ZFHX2: variants seen among roughly 807,000 people sequenced by gnomAD.
The protein encoded by ZFHX2 is zinc finger homeobox 2.
In ZFHX2, 75 loss-of-function variants were observed where a neutral mutation model predicts 164.8. The ratio of observed to expected loss-of-function variants is 0.46; its 90% CI spans 0.38 to 0.55. The LOEUF (loss-of-function observed/expected upper bound fraction) is 0.55. Ranked by LOEUF, ZFHX2 falls within the 20% of genes least tolerant of loss-of-function variation. The pLI is 0.00. For missense variants in ZFHX2, 2,933 were observed against 3,308.0 expected (o/e 0.89, Z 2.78); for synonymous variants, 1,217 against 1,351.4 (o/e 0.90, Z 2.18).
Position 23,535,167 on chromosome 14 carries a change from G to T in ZFHX2, c.159C>A (p.Ser53=). 1 of 1,535,540 alleles carries T rather than the reference G, an allele frequency of 6.5e-7. No homozygotes were observed. The highest frequency in any genetic ancestry group is 1.2e-5 in the South Asian group (1 of 84,054). The change falls in exon 2 of 10, where the codon TCC becomes TCA. Residue 53 remains serine, a synonymous_variant. Transcript: ENST00000419474. The surrounding 1 kb of genome is among the most constrained non-coding windows in gnomAD (Gnocchi z 4.5). ...AASSTSENMR[S]SEPGGQLLES... is the part of the protein sequence containing the mutation. ...CCAGGAGCTGTCCCCCTGGCTCTGA[G>T]GACCTCATGTTCTCAGAGGTGGAGG...
rs773032788 is a variant in ZFHX2 at position 23,526,422 on chromosome 14, G to A, written c.3520C>T (p.Arg1174Trp). 2.1e-4 allele frequency: 326 copies of A among 1,536,260 alleles called. 1 individual carries two copies. The highest frequency in any genetic ancestry group is 6.7e-4 in the South Asian group (56 of 84,050). ...PADSRHPLTY[R>W]KTTNFALDKF... ...TCCAGGGCAAAGTTGGTGGTTTTCCGATAGGTCAGAGGGTGGCGAGAGTCA... is the reference window on the plus strand; with the variant it reads ...TCCAGGGCAAAGTTGGTGGTTTTCCAATAGGTCAGAGGGTGGCGAGAGTCA... Residue 1174 changes from arginine (R) to tryptophan (W), a missense_variant, in exon 9 of 10, where the codon CGG becomes TGG. Transcript: ENST00000419474.
At position 23,535,259 on chromosome 14, in the gene ZFHX2, G is replaced by A; in HGVS notation, c.67C>T (p.Leu23=). 6.6e-7 allele frequency: 1 copy of A among 1,506,240 alleles called. No individual in the cohort carries two copies. The highest frequency in any genetic ancestry group is 8.9e-7 in the Non-Finnish European group (1 of 1,127,356). 93.3% of individuals were successfully genotyped at this position (1,506,240 alleles called of 1,614,324 possible). A position where few individuals can be genotyped will look rare whatever the true frequency, so the allele number is the denominator to read the frequency against. The change falls in exon 2 of 10, where the codon CTG becomes TTG. Residue 23 remains leucine (L), a synonymous_variant. Transcript: ENST00000419474. The surrounding 1 kb of genome is among the most constrained non-coding windows in gnomAD (Gnocchi z 4.5). ...CTGGAGGAGAAGGTGTCCGAAGGCA[G>A]GGACGGGGCATTGTGCCCAGGGGAG... ...TPSPGHNAPS[L]PSDTFSSSTP...
chr14:23,540,273 G>A (rs1401045884), intron 1 of ZFHX2, among the ~76,000 whole-genome samples: 1 of 152,240 alleles, frequency 6.6e-6, no homozygotes, highest in East Asian at 1.9e-4. Context: ...TTACAGGCAT[G>A]AGCCACCAAG....
At chr14:23,530,431 C>G (rs1013073727) in intron 4 of ZFHX2, 6 of 680,534 alleles carry the variant, frequency 8.8e-6, no homozygotes, top group Admixed American at 2.0e-5. Context: ...GAGTCCAGTT[C>G]CTGTCCTTTT....
chr14:23,529,990 C>T (rs1879318173), intron 5 of ZFHX2, 130 bp downstream of exon 5: 13 of 1,063,664 alleles, frequency 1.2e-5, no homozygotes, highest in Non-Finnish European at 1.8e-5. Flanking sequence ...CCTCCCTTCC[C>T]CCTGATGAGC....
Position 23,531,506 on chromosome 14 carries a change from G to A in ZFHX2, c.2775C>T (p.Phe925=). 1 of 1,445,008 alleles carries A rather than the reference G, an allele frequency of 6.9e-7. No individual in the cohort carries two copies. The highest frequency in any genetic ancestry group is 9.2e-7 in the Non-Finnish European group (1 of 1,092,654). The allele number at this position is 1,445,008 out of a possible 1,614,324, so 89.5% of individuals were successfully genotyped here. ...CGGGAGTCCGGAGCTGCCCGTGGCT[G>A]AAGCTCAGGATGCTCTGAAGAGCTG... The part of the protein sequence containing the change: ...GLAALQSILS[F]SHGQLRTPGK... The change falls in exon 4 of 10, where the codon TTC becomes TTT. Residue 925 remains phenylalanine (F), a synonymous_variant. Coordinates refer to ENST00000419474, the MANE Select transcript of ZFHX2 (RefSeq NM_033400.3).
chr14:23,547,255 G>A, intron 1 of ZFHX2, among the ~76,000 whole-genome samples: 1 of 152,238 alleles, frequency 6.6e-6, no homozygotes, highest in East Asian at 1.9e-4. Flanking sequence ...GGCCCACATG[G>A]CCAATGCTGC....
chr14:23,549,174 G>A (rs1177652841), intron 1 of ZFHX2, among the ~76,000 whole-genome samples: 8 of 151,784 alleles, frequency 5.3e-5, no homozygotes, highest in South Asian at 4.2e-4. Flanking sequence ...CTATCAACAC[G>A]TTTTGTTTCA....
In ZFHX2 at chr14:23,524,013, G is replaced by A; in HGVS notation, c.5929C>T (p.Pro1977Ser). Residue 1977 changes from proline (P) to serine (S), a missense_variant, in exon 9 of 10, where the codon CCC (proline) becomes TCC (serine). By Grantham distance (74) the Pro-to-Ser change is moderately conservative. Transcript: ENST00000419474. This position sits in a 1 kb window ranked among gnomAD's most constrained non-coding sequence, Gnocchi z 5.6. The stretch of plus-strand genomic sequence containing the variant: ...TTCCCAGGTGGTAGGAAAGGCTGGG[G>A]CCCAGAAGCAAGCGTGGCAGTGGGG... ...PYPTATLASGPQPFLPPGKEA... is the reference protein window; with the variant it reads ...PYPTATLASGSQPFLPPGKEA... 1 of 1,518,702 alleles carries A rather than the reference G, an allele frequency of 6.6e-7. No homozygotes were observed. Among genetic ancestry groups the A allele is most frequent in the Non-Finnish European group, 8.8e-7 (1 of 1,137,236 alleles). The allele number at this position is 1,518,702 out of a possible 1,614,324, so 94.1% of individuals were successfully genotyped here.
intron 1 of ZFHX2, among the ~76,000 whole-genome samples, chr14:23,539,564 G>A (rs971414419): frequency 1.2e-4 from 19 of 152,136 alleles, no homozygotes; most frequent in Non-Finnish European, 8.8e-5. Flanking sequence ...AGAGACAAAG[G>A]GCATGGGCAA....
At chr14:23,548,875 C>CATCAGTCACGCTCTCTTT (rs1566596419) in intron 1 of ZFHX2, among the ~76,000 whole-genome samples, 1 of 152,154 alleles carries the variant, frequency 6.6e-6, no homozygotes, top group Non-Finnish European at 1.5e-5. Flanking sequence ...TCGCTCTCTT[C>CATCAGTCACGCTCTCTTT]GCATCAGTCA....
At chr14:23,547,271 T>C (rs1449366682) in intron 1 of ZFHX2, among the ~76,000 whole-genome samples, 1 of 152,268 alleles carries the variant, frequency 6.6e-6, no homozygotes, top group Non-Finnish European at 1.5e-5. Context: ...GCTGCCTTCG[T>C]TGTATTAATA....
chr14:23,549,756 A>T (rs1881774421), intron 1 of ZFHX2, among the ~76,000 whole-genome samples: 1 of 152,204 alleles, frequency 6.6e-6, no homozygotes, highest in African/African-American at 2.4e-5. Context: ...TGGAGGGGTT[A>T]TATGCCCCTG....
chr14:23,524,129 G>A lies in ZFHX2; in HGVS notation c.5813C>T (p.Ala1938Val), dbSNP rs1878398432. ...AVKPPATATP[A>V]SLPKFNLLLG... ...TAAGAGGTTGAACTTGGGCAAGGAT[G>A]CAGGGGTGGCTGTGGCAGGCGGTTT... is the stretch of plus-strand genomic sequence containing the variant. The change falls in exon 9 of 10, where the codon GCA becomes GTA. Residue 1938 changes from alanine (A) to valine (V), a missense_variant. Ala to Val is a moderately conservative substitution (Grantham distance 64). Coordinates refer to ENST00000419474, the MANE Select transcript of ZFHX2 (RefSeq NM_033400.3). This position sits in a 1 kb window ranked among gnomAD's most constrained non-coding sequence, Gnocchi z 5.6. 4 of 1,535,798 alleles carry A rather than the reference G, an allele frequency of 2.6e-6. No individual in the cohort carries two copies. The highest frequency in any genetic ancestry group is 2.7e-5 in the African/African-American group (2 of 73,012).
chr14:23,538,784 G>A (rs1009471447), intron 1 of ZFHX2, among the ~76,000 whole-genome samples: 6 of 152,108 alleles, frequency 3.9e-5, no homozygotes, highest in Admixed American at 1.3e-4. Context: ...GGTCAGGGAA[G>A]ACCTGGGTAG....
At chr14:23,528,867 C>T in intron 6 of ZFHX2, 1 of 982,760 alleles carries the variant, frequency 1.0e-6, no homozygotes, top group Non-Finnish European at 1.2e-6. Context: ...TGCATCCAGG[C>T]TGGCACCAGT....
At position 23,535,568 on chromosome 14, in the gene ZFHX2, T is replaced by A. The variant is rs931260058; in HGVS notation, c.-49-194A>T. Among the ~76,000 whole-genome samples, 1 of 152,098 alleles carries A rather than the reference T, an allele frequency of 6.6e-6. No individual in the cohort carries two copies. The highest frequency in any genetic ancestry group is 1.5e-5 in the Non-Finnish European group (1 of 68,024). On this transcript the variant is annotated intron_variant, in intron 1 of 9. Transcript: ENST00000419474. The surrounding 1 kb of genome is among the most constrained non-coding windows in gnomAD (Gnocchi z 4.5). ...TGTCCAACATCAGAACTCTTCATTT[T>A]ATTTATTTTATTTTATTTTATTAAT...
intron 6 of ZFHX2, 58 bp from the exon 7 acceptor site, chr14:23,527,862 A>C: frequency 6.8e-7 from 1 of 1,475,970 alleles, no homozygotes; most frequent in Admixed American, 2.0e-5. Flanking sequence ...ACCCACCATC[A>C]CATAGTCCTT....
chr14:23,537,996 T>C (rs918835561), intron 1 of ZFHX2: 1 of 152,820 alleles, frequency 6.5e-6, no homozygotes, highest in African/African-American at 2.4e-5. Context: ...TACCAGCTGC[T>C]TCCTGGCTCC....
Sources: gnomAD v4.1 joint callset for allele counts (sites outside exome capture counted in the v4.1 genomes callset) on GRCh38, gnomAD v4.1.1 for gene constraint, Gnocchi (gnomAD v3.1) non-coding constraint, MANE v1.5 for transcripts, NCBI Gene and HGNC (gene_info 2026-07-23, HGNC 2026-07-21) for gene names.